RGS6: variants seen among roughly 807,000 people sequenced by gnomAD.
RGS6 encodes regulator of G protein signaling 6.
RGS6 carries 30 observed loss-of-function variants against 78.5 expected under a neutral mutation model. The ratio of observed to expected loss-of-function variants is 0.38; its 90% CI spans 0.29 to 0.52. The LOEUF is 0.52. Among genes scored for constraint, RGS6 ranks in the 20% least tolerant of loss-of-function variants. The pLI is 0.85. For missense variants in RGS6, 495 were observed against 609.7 expected (o/e 0.81, Z 1.98); for synonymous variants, 206 against 206.0 (o/e 1.00, Z 0.00).
chr14:72,385,171 A>G (rs1257312074), intron 3 of RGS6, among the ~76,000 whole-genome samples: 1 of 152,230 alleles, frequency 6.6e-6, no homozygotes, highest in African/African-American at 2.4e-5. Context: ...GAATGGAATT[A>G]TTTGAATCTC....
chr14:72,046,844 T>C lies in RGS6; in HGVS notation c.84+81969T>C, dbSNP rs559422259. Among the ~76,000 whole-genome samples the C allele has an allele frequency of 1.2e-4, 19 of 152,232 alleles. No homozygotes were observed. In the South Asian group the frequency reaches 3.7e-3, roughly 30 times the overall value. The stretch of plus-strand genomic sequence containing the variant: ...CTTCGAGTACCAACATGGCAAGAAA[T>C]TGATTTCCTCTATTGAAGACACATT... On this transcript the variant is annotated intron_variant, in intron 2 of 17. Transcript: ENST00000553525.
intron 2 of RGS6, among the ~76,000 whole-genome samples, chr14:72,153,659 T>C (rs1418525153): frequency 6.6e-6 from 1 of 152,140 alleles, no homozygotes; most frequent in Non-Finnish European, 1.5e-5. Flanking sequence ...AGGACCTTGA[T>C]GCCTGCCCAA....
At chr14:72,457,050 C>G (rs149332119) in intron 4 of RGS6, among the ~76,000 whole-genome samples, 1 of 143,126 alleles carries the variant, frequency 7.0e-6, no homozygotes, top group Admixed American at 7.3e-5. Context: ...TGCCACTGCA[C>G]TCCAGCCTGG....
intron 2 of RGS6, among the ~76,000 whole-genome samples, chr14:72,053,417 C>T (rs2093449614): frequency 6.6e-6 from 1 of 152,004 alleles, no homozygotes; most frequent in East Asian, 1.9e-4. Flanking sequence ...CGCACCCAGC[C>T]AGCAGCATGT....
the RGS6 span, among the ~76,000 whole-genome samples, chr14:71,871,614 A>G: frequency 6.6e-6 from 1 of 151,888 alleles, no homozygotes; most frequent in East Asian, 1.9e-4. Context: ...TTCCATATGG[A>G]TGCTCATGTT....
intron 17 of RGS6, among the ~76,000 whole-genome samples, chr14:72,550,159 AG>A (rs2097482754): frequency 6.6e-6 from 1 of 152,116 alleles, no homozygotes; most frequent in South Asian, 2.1e-4. Flanking sequence ...AAATTCTTTG[AG>A]GCCTCTCATT....
intron 2 of RGS6, among the ~76,000 whole-genome samples, chr14:72,224,015 G>A (rs979024354): frequency 2.0e-5 from 3 of 152,220 alleles, no homozygotes; most frequent in Non-Finnish European, 4.4e-5. Flanking sequence ...AAAACATTTT[G>A]TAGTAAAGTA....
downstream of RGS6, among the ~76,000 whole-genome samples, chr14:72,566,942 C>G (rs1393434092): frequency 1.3e-5 from 2 of 152,174 alleles, no homozygotes; most frequent in Non-Finnish European, 2.9e-5. Context: ...GTGCTTCTTA[C>G]ACAGAGTCTC....
intron 2 of RGS6, among the ~76,000 whole-genome samples, chr14:72,040,096 G>T (rs1430432671): frequency 2.0e-5 from 3 of 151,836 alleles, no homozygotes; most frequent in Non-Finnish European, 2.9e-5. Flanking sequence ...TCCATTTATA[G>T]AGTTTTATAA....
chr14:72,135,113 T>C (rs2096410752), intron 2 of RGS6, among the ~76,000 whole-genome samples: 2 of 151,306 alleles, frequency 1.3e-5, no homozygotes, highest in South Asian at 4.1e-4. Context: ...AATAGCTTAA[T>C]TTTTTGTCTA....
In RGS6 at chr14:72,562,371, C is replaced by G. The variant is rs747253779; in HGVS notation, c.1423-46C>G. On this transcript the variant is annotated intron_variant, in intron 17 of 17. Coordinates refer to ENST00000553525, the MANE Select transcript of RGS6 (RefSeq NM_001204424.2). ...TGTCTGGCTCTCTGTCTCTGTCCCT[C>G]TGTGTGTGCGCCTGTGCGTGCCTCT... is the stretch of plus-strand genomic sequence containing the variant. The G allele has an allele frequency of 4.4e-6, 7 of 1,582,076 alleles. No individual in the cohort carries two copies. In the Admixed American group the frequency reaches 8.3e-5, roughly 19 times the overall value.
At chr14:72,013,145 C>T (rs2086149271) in intron 2 of RGS6, among the ~76,000 whole-genome samples, 1 of 151,734 alleles carries the variant, frequency 6.6e-6, no homozygotes, top group South Asian at 2.1e-4. Flanking sequence ...GTGGTACGTG[C>T]CTGTAATGCC....
the RGS6 span, among the ~76,000 whole-genome samples, chr14:72,596,967 G>A: frequency 1.3e-5 from 2 of 152,150 alleles, no homozygotes; most frequent in Admixed American, 6.5e-5. Flanking sequence ...GGCCAGGCAC[G>A]GTGGCTCACG....
At chr14:72,178,653 G>A (rs998334278) in intron 2 of RGS6, among the ~76,000 whole-genome samples, 1 of 152,154 alleles carries the variant, frequency 6.6e-6, no homozygotes, top group Non-Finnish European at 1.5e-5. Context: ...TGAAGAAAGG[G>A]AAGGGTTTTG....
At chr14:72,047,207 CTCA>C (rs1454089307) in intron 2 of RGS6, among the ~76,000 whole-genome samples, 1 of 152,156 alleles carries the variant, frequency 6.6e-6, no homozygotes, top group Non-Finnish European at 1.5e-5. Flanking sequence ...ACTGGATACT[CTCA>C]TCTGGAATTG....
chr14:72,156,047 C>A (rs2096765530), intron 2 of RGS6, among the ~76,000 whole-genome samples: 1 of 152,180 alleles, frequency 6.6e-6, no homozygotes, highest in Admixed American at 6.5e-5. Context: ...TGGGGTGCAG[C>A]CTGGGCATCT....
At chr14:72,627,434 G>C in the RGS6 span, among the ~76,000 whole-genome samples, 18 of 152,146 alleles carry the variant, frequency 1.2e-4, no homozygotes, top group African/African-American at 4.3e-4. Flanking sequence ...TTTTAGATGT[G>C]ACCCTTACCC....
intron 12 of RGS6, among the ~76,000 whole-genome samples, chr14:72,479,016 A>G (rs1353006079): frequency 6.6e-6 from 1 of 152,170 alleles, no homozygotes; most frequent in East Asian, 1.9e-4. Context: ...AGTAGTGAAC[A>G]TTTATTCATC....
chr14:72,119,704 A>T (rs1355402402), intron 2 of RGS6, among the ~76,000 whole-genome samples: 1 of 152,220 alleles, frequency 6.6e-6, no homozygotes, highest in Non-Finnish European at 1.5e-5. Flanking sequence ...GATGTGATGG[A>T]CTGCCTTGGT....
Sources: allele counts gnomAD v4.1 joint callset (sites outside exome capture counted in the v4.1 genomes callset), GRCh38; gene constraint gnomAD v4.1.1; transcripts MANE v1.5; gene names NCBI Gene and HGNC (gene_info 2026-07-23, HGNC 2026-07-21).